ASTN2: variants seen among roughly 807,000 people sequenced by gnomAD.
ASTN2 encodes the protein astrotactin-2.
Under a neutral mutation model 139.8 loss-of-function variants are expected in ASTN2, and 54 were observed. The observed-to-expected ratio is 0.39, with a 90% CI of 0.31 to 0.48. The LOEUF is 0.48. Ranked by LOEUF, ASTN2 falls within the 20% of genes least tolerant of loss-of-function variation. The pLI, the probability that ASTN2 is intolerant of heterozygous loss-of-function variation, is 0.95. For missense variants in ASTN2, 1,565 were observed against 1,725.1 expected (o/e 0.91, Z 1.64); for synonymous variants, 756 against 719.5 (o/e 1.05, Z -0.81).
intron 19 of ASTN2, among the ~76,000 whole-genome samples, chr9:116,570,152 T>C (rs1401128390): frequency 6.6e-6 from 1 of 152,212 alleles, no homozygotes; most frequent in Non-Finnish European, 1.5e-5. Context: ...ATGAAGCTGA[T>C]AATTTCTACT....
intron 3 of ASTN2, among the ~76,000 whole-genome samples, chr9:117,142,518 A>C (rs1830099692): frequency 6.6e-6 from 1 of 152,202 alleles, no homozygotes; most frequent in African/African-American, 2.4e-5. Context: ...CCAAGATAGG[A>C]AATGGCAGAG....
In ASTN2 at chr9:116,728,977, G is replaced by A; in HGVS notation, c.2626+15C>T. 6.4e-7 allele frequency: 1 copy of A among 1,570,692 alleles called. No individual in the cohort carries two copies. On this transcript the variant is annotated intron_variant, in intron 15 of 22. Coordinates refer to ENST00000313400, the MANE Select transcript of ASTN2 (RefSeq NM_001365068.1). ...TTATTCCAAGTCCCCTGGCTGCCCA[G>A]GCAGTGGTCCTCACCTGCTGCGAGG...
At chr9:117,408,705 G>C (rs1181874673) in intron 1 of ASTN2, among the ~76,000 whole-genome samples, 5 of 152,124 alleles carry the variant, frequency 3.3e-5, no homozygotes, top group Admixed American at 2.6e-4. Context: ...ATCTGCCTAG[G>C]TTGGTATCAC....
At chr9:117,303,395 G>A (rs1313780122) in intron 1 of ASTN2, among the ~76,000 whole-genome samples, 1 of 152,118 alleles carries the variant, frequency 6.6e-6, no homozygotes, top group Non-Finnish European at 1.5e-5. Context: ...GATTAAGAAC[G>A]AGAAGTGGGA....
chr9:116,775,784 A>AGGAGGAGGGAC (rs2132194240), intron 13 of ASTN2, among the ~76,000 whole-genome samples: 1 of 135,978 alleles, frequency 7.4e-6, no homozygotes, highest in Non-Finnish European at 1.6e-5. Context: ...GAAGGAGGGA[A>AGGAGGAGGGAC]GGAGGAGGGA....
rs376314824 is a variant in ASTN2 at position 116,863,616 on chromosome 9, C to A, written c.2007G>T (p.Val669=). Residue 669 remains valine (V), a synonymous_variant, in exon 11 of 23, where the codon GTG becomes GTT. Coordinates refer to ENST00000313400, the MANE Select transcript of ASTN2 (RefSeq NM_001365068.1). The part of the protein sequence containing the change: ...NGGCTRNFKC[V]SDRQVDSSGC... The stretch of plus-strand genomic sequence containing the variant: ...CCGAGGAATCCACCTGCCGGTCAGA[C>A]ACACACTTGAAGTTGCGAGTGCAGC... 1 of 1,614,186 alleles carries A rather than the reference C, an allele frequency of 6.2e-7. No individual in the cohort carries two copies.
At chr9:116,707,915 G>C (rs192696019) in intron 16 of ASTN2, among the ~76,000 whole-genome samples, 1 of 152,212 alleles carries the variant, frequency 6.6e-6, no homozygotes, top group East Asian at 1.9e-4. Context: ...ATCTTAATCA[G>C]AACTATTGCC....
At chr9:116,819,796 G>A (rs148990040) in intron 12 of ASTN2, among the ~76,000 whole-genome samples, 1 of 152,190 alleles carries the variant, frequency 6.6e-6, no homozygotes, top group Non-Finnish European at 1.5e-5. Flanking sequence ...GTCTGTTCTT[G>A]TAAGTGATTA....
chr9:117,245,215 A>G (rs1323879304), intron 2 of ASTN2, among the ~76,000 whole-genome samples: 3 of 152,180 alleles, frequency 2.0e-5, no homozygotes, highest in Admixed American at 1.3e-4. Context: ...ATCCATTTCA[A>G]TTAGATGTGC....
intron 17 of ASTN2, among the ~76,000 whole-genome samples, chr9:116,644,718 A>C (rs919980086): frequency 1.3e-5 from 2 of 152,206 alleles, no homozygotes; most frequent in Non-Finnish European, 2.9e-5. Flanking sequence ...TATGGAGTGC[A>C]AGATATGTAT....
intron 19 of ASTN2, among the ~76,000 whole-genome samples, chr9:116,499,969 A>G (rs1367453344): frequency 6.6e-6 from 1 of 152,066 alleles, no homozygotes; most frequent in African/African-American, 2.4e-5. Context: ...CAGTCTTGCA[A>G]CCCACCTAAC....
chr9:116,571,009 C>A (rs1853484148), intron 19 of ASTN2, among the ~76,000 whole-genome samples: 1 of 152,160 alleles, frequency 6.6e-6, no homozygotes, highest in African/African-American at 2.4e-5. Flanking sequence ...GCAACATTTG[C>A]TGCCTAGAGA....
At chr9:116,900,690 G>A (rs11791498) in intron 10 of ASTN2, among the ~76,000 whole-genome samples, 2,066 of 152,222 alleles carry the variant, frequency 0.014, 20 homozygotes, top group Non-Finnish European at 0.019. Flanking sequence ...CATCCTGCAG[G>A]AAGGATGAAG....
intron 7 of ASTN2, among the ~76,000 whole-genome samples, chr9:116,979,657 G>T (rs533535707): frequency 3.3e-5 from 5 of 152,162 alleles, no homozygotes; most frequent in Admixed American, 2.6e-4. Context: ...TTTATGATCT[G>T]CTACAAGCCA....
chr9:116,962,198 C>G (rs1183871620), intron 10 of ASTN2, among the ~76,000 whole-genome samples: 1 of 152,220 alleles, frequency 6.6e-6, no homozygotes, highest in East Asian at 1.9e-4. Context: ...TAGTTCTACT[C>G]ACCTGGGACT....
rs1356297775 is a variant in ASTN2 at position 116,795,334 on chromosome 9, A to C, written c.2396+10298T>G. 2.0e-5 allele frequency among the ~76,000 whole-genome samples: 3 copies of C among 152,244 alleles called. No individual in the cohort carries two copies. The East Asian group carries it at 5.8e-4, about 29-fold the overall frequency. On this transcript the variant is annotated intron_variant, in intron 13 of 22. Transcript: ENST00000313400. ...AGGTGGGAGATTAGCACACCACTGCAACTTTTGGATCTGGGCCCAGGCCCT... is the reference window on the plus strand; with the variant it reads ...AGGTGGGAGATTAGCACACCACTGCCACTTTTGGATCTGGGCCCAGGCCCT...
intron 13 of ASTN2, among the ~76,000 whole-genome samples, chr9:116,802,083 CTTTTT>C (rs796156202): frequency 0.22 from 25,958 of 120,438 alleles, 1,978 homozygotes; most frequent in Middle Eastern, 0.28. Flanking sequence ...TTCTTTCTTT[CTTTTT>C]TTTTTTTTTT....
chr9:117,092,105 G>A (rs1218080681), intron 5 of ASTN2, among the ~76,000 whole-genome samples: 1 of 152,160 alleles, frequency 6.6e-6, no homozygotes, highest in Non-Finnish European at 1.5e-5. Context: ...TGAGAATACT[G>A]GTTCATGTCC....
At chr9:117,268,322 A>G (rs190872685) in intron 2 of ASTN2, among the ~76,000 whole-genome samples, 5 of 152,348 alleles carry the variant, frequency 3.3e-5, no homozygotes, top group Middle Eastern at 3.4e-3. Context: ...ATAAGAGGGT[A>G]TGGGATAAAT....
Sources: allele counts gnomAD v4.1 joint callset (sites outside exome capture counted in the v4.1 genomes callset), GRCh38; gene constraint gnomAD v4.1.1; transcripts MANE v1.5; gene names NCBI Gene and HGNC (gene_info 2026-07-23, HGNC 2026-07-21).